NTNG2: variants seen among roughly 807,000 people sequenced by gnomAD.
NTNG2 encodes netrin-G2.
Under a neutral mutation model 47.6 loss-of-function variants are expected in NTNG2, and 15 were observed. The observed-to-expected ratio is 0.32, with a 90% CI of 0.21 to 0.49. The LOEUF is 0.49. Among genes scored for constraint, NTNG2 ranks in the 20% least tolerant of loss-of-function variants. The pLI, the probability that NTNG2 is intolerant of heterozygous loss-of-function variation, is 0.99. For synonymous variants in NTNG2, 307 were observed against 324.6 expected (o/e 0.95, Z 0.58); for missense variants, 578 against 764.6 (o/e 0.76, Z 2.88).
At position 132,183,854 on chromosome 9, in the gene NTNG2, G is replaced by T. The variant is rs918286336; in HGVS notation, c.214-14112G>T. Among the ~76,000 whole-genome samples the T allele has an allele frequency of 2.6e-5, 4 of 152,216 alleles. No homozygotes were observed. The South Asian group carries it at 8.3e-4, about 32-fold the overall frequency. On this transcript the variant is annotated intron_variant, in intron 2 of 7. Transcript: ENST00000393229. ...TGGTTAGTTGGTTGGTTAATTACTC[G>T]ATTGGTTAGTTTGTTGGTTTGTTTG... is the stretch of plus-strand genomic sequence containing the variant.
chr9:132,181,461 C>T (rs758080480), intron 2 of NTNG2, among the ~76,000 whole-genome samples: 3 of 152,030 alleles, frequency 2.0e-5, no homozygotes, highest in Non-Finnish European at 4.4e-5. Context: ...GCTGGGATTA[C>T]AGGCACCTGC....
At chr9:132,168,190 G>A (rs1835636956) in intron 2 of NTNG2, among the ~76,000 whole-genome samples, 1 of 152,236 alleles carries the variant, frequency 6.6e-6, no homozygotes, top group Non-Finnish European at 1.5e-5. Context: ...AGCTTAGAGT[G>A]GCTCCAATGT....
At chr9:132,178,667 T>C (rs1811399585) in intron 2 of NTNG2, among the ~76,000 whole-genome samples, 1 of 150,988 alleles carries the variant, frequency 6.6e-6, no homozygotes, top group South Asian at 2.1e-4. Flanking sequence ...AGGCCAAGTG[T>C]GGTGGCTCAC....
intron 2 of NTNG2, among the ~76,000 whole-genome samples, chr9:132,172,839 C>T (rs1316272743): frequency 6.7e-6 from 1 of 150,320 alleles, no homozygotes; most frequent in South Asian, 2.1e-4. Flanking sequence ...ACGCCATTCT[C>T]CTGCCTCAGC....
Position 132,180,415 on chromosome 9 carries a change from G to A in NTNG2, c.213+13371G>A, listed in dbSNP as rs1388348813. ...GGCCAAAAGCAGGTGGCAGCAAGTG[G>A]AGAAGGCTGTTAATCCAGAACGCAC... On this transcript the variant is annotated intron_variant, in intron 2 of 7. Coordinates refer to ENST00000393229, the MANE Select transcript of NTNG2 (RefSeq NM_032536.4). This position sits in a 1 kb window ranked among gnomAD's most constrained non-coding sequence, Gnocchi z 4.2. Among the ~76,000 whole-genome samples the A allele has an allele frequency of 6.6e-6, 1 of 152,218 alleles. No homozygotes were observed. Among genetic ancestry groups the A allele is most frequent in the African/African-American group, 2.4e-5 (1 of 41,444 alleles).
At chr9:132,230,652 T>C in intron 5 of NTNG2, 57 bp downstream of exon 5, 5 of 1,581,222 alleles carry the variant, frequency 3.2e-6, no homozygotes, top group South Asian at 1.1e-5. Flanking sequence ...CCTCTTTGCA[T>C]GTCCTGGAAA....
intron 1 of NTNG2, among the ~76,000 whole-genome samples, chr9:132,164,158 AATTG>A (rs566062994): frequency 1.4e-3 from 208 of 152,250 alleles, no homozygotes; most frequent in African/African-American, 4.8e-3. Flanking sequence ...AGCAACGCCC[AATTG>A]ATTGACTAGT....
At chr9:132,202,230 C>G (rs562825059) in intron 3 of NTNG2, among the ~76,000 whole-genome samples, 4 of 152,176 alleles carry the variant, frequency 2.6e-5, no homozygotes, top group Non-Finnish European at 5.9e-5. Context: ...CAAGGGGGAC[C>G]CCAATGGCAG....
chr9:132,170,811 C>T (rs1835860243), intron 2 of NTNG2, among the ~76,000 whole-genome samples: 1 of 152,192 alleles, frequency 6.6e-6, no homozygotes, highest in Non-Finnish European at 1.5e-5. Flanking sequence ...GCTGACCTCA[C>T]CTTGATAGAG....
chr9:132,214,570 T>G (rs1839836322), intron 3 of NTNG2, among the ~76,000 whole-genome samples: 1 of 152,188 alleles, frequency 6.6e-6, no homozygotes, highest in African/African-American at 2.4e-5. Flanking sequence ...AAAGGGAAAC[T>G]TAGCTGAAAA....
Position 132,226,748 on chromosome 9 carries a change from C to T in NTNG2, c.858-101C>T. 3 of 1,090,638 alleles carry T rather than the reference C, an allele frequency of 2.8e-6. No individual in the cohort carries two copies. Among genetic ancestry groups the T allele is most frequent in the East Asian group, 5.7e-5 (2 of 35,260 alleles). 67.6% of individuals were successfully genotyped at this position (1,090,638 alleles called of 1,614,324 possible). ...CAGGGTTTCTTCCTGGGCAGCCCAA[C>T]ACCCTCCTGGGCCCCTCCTGGGAGG... On this transcript the variant is annotated intron_variant, in intron 3 of 7. Transcript: ENST00000393229. This position sits in a 1 kb window ranked among gnomAD's most constrained non-coding sequence, Gnocchi z 4.8.
intron 2 of NTNG2, among the ~76,000 whole-genome samples, chr9:132,190,211 CG>C (rs1837768700): frequency 8.2e-6 from 1 of 122,552 alleles, no homozygotes; most frequent in Admixed American, 1.1e-4. Flanking sequence ...CCAGACTGGG[CG>C]AAAGAGAGAG....
At chr9:132,193,503 G>A (rs574387882) in intron 2 of NTNG2, among the ~76,000 whole-genome samples, 1 of 152,218 alleles carries the variant, frequency 6.6e-6, no homozygotes, top group African/African-American at 2.4e-5. Flanking sequence ...GAGGTGGGAG[G>A]GGACGAAGTG....
intron 2 of NTNG2, among the ~76,000 whole-genome samples, chr9:132,190,812 T>C (rs1324021891): frequency 6.6e-6 from 1 of 152,220 alleles, no homozygotes; most frequent in Non-Finnish European, 1.5e-5. Context: ...GGCATCTGTG[T>C]AGGAGGCTCC....
At chr9:132,234,966 G>C (rs1047286490) in intron 5 of NTNG2, among the ~76,000 whole-genome samples, 11 of 152,214 alleles carry the variant, frequency 7.2e-5, no homozygotes, top group African/African-American at 2.7e-4. Context: ...GTCCCTCTGG[G>C]TTTGTCCTTT....
chr9:132,211,603 G>C (rs1839594138), intron 3 of NTNG2, among the ~76,000 whole-genome samples: 1 of 152,068 alleles, frequency 6.6e-6, no homozygotes, highest in African/African-American at 2.4e-5. Context: ...CTTCTGCCTG[G>C]AACATGACCT....
At chr9:132,166,301 C>A in intron 1 of NTNG2, 48 bp from the exon 2 acceptor site, 1 of 166,556 alleles carries the variant, frequency 6.0e-6, no homozygotes, top group East Asian at 1.5e-4. Context: ...GAACATGTTT[C>A]CAGCTAACAT....
At position 132,241,923 on chromosome 9, in the gene NTNG2, T is replaced by A. The variant is rs1462880861; in HGVS notation, c.1405T>A (p.Cys469Ser). Reference protein sequence around the residue: ...DQLLCQNGGTCLQNQRCACPR... With the variant: ...DQLLCQNGGTSLQNQRCACPR... ...GCTGCTGTGCCAGAACGGAGGCACC[T>A]GCCTGCAGAACCAGCGCTGCGCCTG... Residue 469 changes from cysteine (C) to serine (S), a missense_variant, in exon 8 of 8, where the codon TGC becomes AGC. Cys to Ser is a moderately radical substitution (Grantham distance 112, BLOSUM62 -1). Coordinates refer to ENST00000393229, the MANE Select transcript of NTNG2 (RefSeq NM_032536.4). 2 of 1,576,892 alleles carry A rather than the reference T, an allele frequency of 1.3e-6. No individual in the cohort carries two copies. The highest frequency in any genetic ancestry group is 1.7e-6 in the Non-Finnish European group (2 of 1,168,348).
intron 2 of NTNG2, among the ~76,000 whole-genome samples, chr9:132,186,986 C>T (rs1215176624): frequency 1.3e-5 from 2 of 152,230 alleles, no homozygotes; most frequent in East Asian, 1.9e-4. Context: ...TAAAGTGCTC[C>T]CTTTCCTCCC....
Sources: gnomAD v4.1 joint callset for allele counts (sites outside exome capture counted in the v4.1 genomes callset) on GRCh38, gnomAD v4.1.1 for gene constraint, Gnocchi (gnomAD v3.1) non-coding constraint, MANE v1.5 for transcripts, NCBI Gene and HGNC (gene_info 2026-07-23, HGNC 2026-07-21) for gene names.